Variants in DCLK2 observed in about 807,000 individuals in gnomAD.
DCLK2 encodes the protein serine/threonine-protein kinase DCLK2.
A neutral mutation model predicts 78.4 loss-of-function variants in DCLK2; 31 were observed. The observed-to-expected ratio is 0.40, with a 90% CI of 0.30 to 0.53. The LOEUF is 0.53. Ranked by LOEUF, DCLK2 falls within the 20% of genes least tolerant of loss-of-function variation. The pLI is 0.61. For missense variants in DCLK2, 872 were observed against 973.7 expected (o/e 0.90, Z 1.39); for synonymous variants, 407 against 374.9 (o/e 1.09, Z -0.99).
At position 150,202,979 on chromosome 4, in the gene DCLK2, G is replaced by T. The variant is rs539322523; in HGVS notation, c.962-816G>T. On this transcript the variant is annotated intron_variant, in intron 4 of 15. Transcript: ENST00000296550. The stretch of plus-strand genomic sequence containing the variant: ...AGAGGTTTCAAAGTTTTCAAAAACT[G>T]AAAACTTTTTTCAGTTATTTTTTAA... Among the ~76,000 whole-genome samples, 1,147 of 152,220 alleles carry T rather than the reference G, an allele frequency of 7.5e-3. 5 individuals are homozygous for T. Among genetic ancestry groups the T allele is most frequent in the Non-Finnish European group, 0.013 (857 of 67,986 alleles).
At chr4:150,237,837 G>A (rs949100438) in intron 10 of DCLK2, among the ~76,000 whole-genome samples, 12 of 152,150 alleles carry the variant, frequency 7.9e-5, no homozygotes, top group African/African-American at 2.9e-4. Flanking sequence ...GCTTAAAATA[G>A]AAAAATAGAA....
intron 8 of DCLK2, 39 bp from the exon 9 acceptor site, chr4:150,232,298 G>A (rs1166133635): frequency 5.0e-6 from 8 of 1,602,340 alleles, no homozygotes; most frequent in Admixed American, 1.7e-5. Context: ...AGAGGGTTCT[G>A]TGATTTCTGA....
intron 2 of DCLK2, among the ~76,000 whole-genome samples, chr4:150,163,290 TG>T (rs1253590016): frequency 1.3e-5 from 2 of 152,030 alleles, no homozygotes; most frequent in Admixed American, 6.6e-5. Flanking sequence ...TCCAGCCACT[TG>T]GGGGGCTAAG....
intron 4 of DCLK2, among the ~76,000 whole-genome samples, chr4:150,201,367 T>C (rs1739438145): frequency 6.6e-6 from 1 of 152,092 alleles, no homozygotes; most frequent in Non-Finnish European, 1.5e-5. Context: ...GACATGGTGC[T>C]GTCCAGGGCC....
intron 2 of DCLK2, among the ~76,000 whole-genome samples, chr4:150,183,765 A>C (rs1376872431): frequency 6.8e-6 from 1 of 147,030 alleles, no homozygotes; most frequent in Non-Finnish European, 1.5e-5. Context: ...ACAGAGTCTC[A>C]CTCTATTTCC....
intron 5 of DCLK2, 33 bp downstream of exon 5, chr4:150,203,922 A>G: frequency 6.4e-7 from 1 of 1,565,846 alleles, no homozygotes; most frequent in Non-Finnish European, 8.8e-7. Context: ...TATTTGTGTG[A>G]TTTTGTTATT....
intron 2 of DCLK2, among the ~76,000 whole-genome samples, chr4:150,151,237 G>A (rs1323964473): frequency 6.6e-6 from 1 of 152,192 alleles, no homozygotes; most frequent in African/African-American, 2.4e-5. Flanking sequence ...CAACATTTAT[G>A]CAACTTTTAT....
intron 3 of DCLK2, 51 bp from the exon 4 acceptor site, chr4:150,197,951 T>C: frequency 6.8e-7 from 1 of 1,463,926 alleles, no homozygotes; most frequent in African/African-American, 1.4e-5. Flanking sequence ...AACTCTGCTT[T>C]TGGTCGTTAT....
intron 2 of DCLK2, among the ~76,000 whole-genome samples, chr4:150,158,142 G>A (rs1028949738): frequency 6.6e-6 from 1 of 152,182 alleles, no homozygotes; most frequent in Non-Finnish European, 1.5e-5. Context: ...AAAGGTGTCA[G>A]CAGGTTTGAT....
intron 2 of DCLK2, among the ~76,000 whole-genome samples, chr4:150,170,267 C>A (rs1289654190): frequency 6.6e-6 from 1 of 152,184 alleles, no homozygotes; most frequent in African/African-American, 2.4e-5. Context: ...TGGTTTTGAA[C>A]TCCTGACCTC....
intron 2 of DCLK2, among the ~76,000 whole-genome samples, chr4:150,170,528 T>C (rs534893414): frequency 6.6e-6 from 1 of 152,252 alleles, no homozygotes; most frequent in South Asian, 2.1e-4. Flanking sequence ...CTAGAAACAG[T>C]AGGGGAAACG....
intron 2 of DCLK2, among the ~76,000 whole-genome samples, chr4:150,164,106 GT>G (rs1334701631): frequency 6.6e-6 from 1 of 152,156 alleles, no homozygotes; most frequent in Non-Finnish European, 1.5e-5. Flanking sequence ...TTTCCTTATG[GT>G]TTTTAGGCCA....
intron 1 of DCLK2, among the ~76,000 whole-genome samples, chr4:150,079,831 G>A (rs904631774): frequency 1.3e-5 from 2 of 152,210 alleles, no homozygotes; most frequent in African/African-American, 2.4e-5. Context: ...GTGGACCCTG[G>A]TGCAGGCTCC....
chr4:150,224,976 C>T (rs936954240), intron 8 of DCLK2, among the ~76,000 whole-genome samples: 2 of 152,172 alleles, frequency 1.3e-5, no homozygotes, highest in African/African-American at 4.8e-5. Context: ...GTAGCATGAG[C>T]TTCATGCTTG....
At chr4:150,177,312 G>A (rs538668327) in intron 2 of DCLK2, among the ~76,000 whole-genome samples, 2 of 151,604 alleles carry the variant, frequency 1.3e-5, no homozygotes, top group South Asian at 2.1e-4. Context: ...TTTTTTTTCC[G>A]AGTTGATGCT....
intron 2 of DCLK2, among the ~76,000 whole-genome samples, chr4:150,108,143 T>A (rs1475450839): frequency 6.6e-6 from 1 of 152,200 alleles, no homozygotes; most frequent in Non-Finnish European, 1.5e-5. Context: ...ATGGTTATTC[T>A]CCACTTAAAG....
chr4:150,168,623 C>T (rs1037770936), intron 2 of DCLK2, among the ~76,000 whole-genome samples: 7 of 152,316 alleles, frequency 4.6e-5, no homozygotes, highest in South Asian at 4.1e-4. Flanking sequence ...GACTTGGATA[C>T]GTTCTGCTGC....
intron 2 of DCLK2, among the ~76,000 whole-genome samples, chr4:150,174,021 C>G (rs1246229934): frequency 6.6e-6 from 1 of 152,128 alleles, no homozygotes; most frequent in African/African-American, 2.4e-5. Context: ...GAGGGTATAT[C>G]AAAACATGAA....
intron 2 of DCLK2, among the ~76,000 whole-genome samples, chr4:150,159,851 A>G (rs1427113335): frequency 1.3e-5 from 2 of 152,200 alleles, no homozygotes; most frequent in Admixed American, 1.3e-4. Flanking sequence ...CCGCTTTGCT[A>G]GAACAGGAAT....
Sources: gnomAD v4.1 joint callset for allele counts (sites outside exome capture counted in the v4.1 genomes callset) on GRCh38, gnomAD v4.1.1 for gene constraint, MANE v1.5 for transcripts, NCBI Gene and HGNC (gene_info 2026-07-23, HGNC 2026-07-21) for gene names.